Variants in ATG16L1 observed in about 807,000 individuals in gnomAD.
The protein encoded by ATG16L1 is autophagy-related protein 16-1.
In ATG16L1, 37 loss-of-function variants were observed where a neutral mutation model predicts 88.5. That is an observed-to-expected ratio of 0.42 (90% CI 0.32 to 0.55). ATG16L1 has a LOEUF of 0.55. ATG16L1 is among the 20% of genes least tolerant of loss of function. The pLI is 0.13. For missense variants in ATG16L1, 554 were observed against 752.8 expected (o/e 0.74, Z 3.09); for synonymous variants, 301 against 281.0 (o/e 1.07, Z -0.71).
intron 2 of ATG16L1, among the ~76,000 whole-genome samples, chr2:233,259,607 C>T (rs774361763): frequency 7.9e-5 from 12 of 152,142 alleles, no homozygotes; most frequent in Non-Finnish European, 1.5e-4. Flanking sequence ...GCAGGTTGAA[C>T]GGTGGGCTTC....
chr2:233,261,145 C>G (rs1038955576), intron 2 of ATG16L1, among the ~76,000 whole-genome samples: 1 of 152,034 alleles, frequency 6.6e-6, no homozygotes, highest in Non-Finnish European at 1.5e-5. Flanking sequence ...TTAGTAGAGA[C>G]GGGATTTCAC....
chr2:233,289,971 G>A lies in ATG16L1; in HGVS notation c.1321G>A (p.Val441Ile). 1.9e-6 allele frequency: 3 copies of A among 1,613,724 alleles called. No homozygotes were observed. The highest frequency in any genetic ancestry group is 2.5e-6 in the Non-Finnish European group (3 of 1,179,600). The stretch of plus-strand genomic sequence containing the variant: ...CAAACTCTGGGATCTACGCAGCAAA[G>A]TCTGTGAGGAAATTCAGTCTCTCTG... ...TLKLWDLRSKVCIKTVFAGSS... is the reference protein window; with the variant it reads ...TLKLWDLRSKICIKTVFAGSS... The change falls in exon 13 of 18, where the codon GTC becomes ATC. Residue 441 changes from valine to isoleucine, a missense_variant. Around this residue, in one of 5 missense-constraint regions of ATG16L1, gnomAD observed 370 missense variants for 509.7 expected, o/e 0.73. Coordinates refer to ENST00000392017, the MANE Select transcript of ATG16L1 (RefSeq NM_030803.7).
In ATG16L1 at chr2:233,272,800, G is replaced by T. The variant is rs563180085; in HGVS notation, c.708-166G>T. Among the ~76,000 whole-genome samples the T allele has an allele frequency of 7.9e-5, 12 of 152,318 alleles. No homozygotes were observed. The East Asian group carries it at 1.2e-3, about 15-fold the overall frequency. ...CAGGTTAAATGTTTATTGTAGTGTT[G>T]TTCAGAACATGGCAGCTCTTCCTTT... On this transcript the variant is annotated intron_variant, in intron 6 of 17. Coordinates refer to ENST00000392017, the MANE Select transcript of ATG16L1 (RefSeq NM_030803.7).
intron 1 of ATG16L1, 68 bp downstream of exon 1, chr2:233,252,010 G>A: frequency 7.4e-7 from 1 of 1,358,412 alleles, no homozygotes; most frequent in Non-Finnish European, 9.7e-7. Context: ...GGGCGTCAGC[G>A]GGAACCTGAG....
In ATG16L1 at chr2:233,277,719, C is replaced by T. The variant is rs369043257; in HGVS notation, c.1060+46C>T. On this transcript the variant is annotated intron_variant, in intron 10 of 17. Coordinates refer to ENST00000392017, the MANE Select transcript of ATG16L1 (RefSeq NM_030803.7). ...CTCAGACTGAAAACTTGAGATGATG[C>T]ACCCTTGCACTGCAGAAAGAAGCTG... is the stretch of plus-strand genomic sequence containing the variant. 40 of 1,516,108 alleles carry T rather than the reference C, an allele frequency of 2.6e-5. No homozygotes were observed. The African/African-American group carries it at 4.9e-4, about 19-fold the overall frequency. The allele number at this position is 1,516,108 out of a possible 1,614,324, so 93.9% of individuals were successfully genotyped here. A position where few individuals can be genotyped will look rare whatever the true frequency, so the allele number is the denominator to read the frequency against.
intron 9 of ATG16L1, among the ~76,000 whole-genome samples, 191 bp downstream of exon 9, chr2:233,274,969 C>T (rs1698248131): frequency 6.6e-6 from 1 of 152,170 alleles, no homozygotes; most frequent in South Asian, 2.1e-4. Flanking sequence ...AAATTTGTTA[C>T]AACCATCCTC....
In ATG16L1 at chr2:233,275,536, G is replaced by GT. The variant is rs879229546; in HGVS notation, c.954+759dup. 48 of 354,288 alleles carry GT rather than the reference G, an allele frequency of 1.4e-4. 1 individual carries two copies. Among genetic ancestry groups the GT allele is most frequent in the South Asian group, 1.0e-3 (48 of 47,234 alleles). 21.9% of individuals were successfully genotyped at this position (354,288 alleles called of 1,614,324 possible). A position where few individuals can be genotyped will look rare whatever the true frequency, so the allele number is the denominator to read the frequency against. ...GTAAAAATGGGATGGAATTTATATG[G>GT]TGGGAGCTTTGGGTTCCAGGTATAA... On this transcript the variant is annotated intron_variant, in intron 9 of 17. Transcript: ENST00000392017.
chr2:233,257,989 G>A (rs961492268), intron 2 of ATG16L1, among the ~76,000 whole-genome samples: 6 of 142,216 alleles, frequency 4.2e-5, no homozygotes, highest in African/African-American at 1.1e-4. Flanking sequence ...GTGACAGAGC[G>A]AGACTCCGTC....
chr2:233,277,376 C>A (rs896869996), intron 9 of ATG16L1, 192 bp from the exon 10 acceptor site: 2 of 524,426 alleles, frequency 3.8e-6, no homozygotes, highest in African/African-American at 3.8e-5. Flanking sequence ...TCTAATGCAA[C>A]TGTAACTAGA....
chr2:233,273,692 G>A, intron 7 of ATG16L1, 29 bp from the exon 8 acceptor site: 2 of 1,611,210 alleles, frequency 1.2e-6, no homozygotes, highest in Non-Finnish European at 1.7e-6. Flanking sequence ...TGTTTCTAAG[G>A]TTTAAACCTA....
intron 2 of ATG16L1, among the ~76,000 whole-genome samples, chr2:233,262,479 T>TC (rs1417546265): frequency 6.6e-6 from 1 of 152,272 alleles, no homozygotes; most frequent in Non-Finnish European, 1.5e-5. Flanking sequence ...TGACCGCACC[T>TC]CCTCTGTCCC....
In ATG16L1 at chr2:233,273,146, C is replaced by T; in HGVS notation, c.794+94C>T. ...TGACAAAGAATGCAGTCAGATGCACCCAACCCCTTACCCCTTTTCTGGGAC... is the reference window on the plus strand; with the variant it reads ...TGACAAAGAATGCAGTCAGATGCACTCAACCCCTTACCCCTTTTCTGGGAC... On this transcript the variant is annotated intron_variant, in intron 7 of 17. Coordinates refer to ENST00000392017, the MANE Select transcript of ATG16L1 (RefSeq NM_030803.7). 6 of 1,021,904 alleles carry T rather than the reference C, an allele frequency of 5.9e-6. No homozygotes were observed. The South Asian group carries it at 6.6e-5, about 11-fold the overall frequency. The allele number at this position is 1,021,904 out of a possible 1,614,324, so 63.3% of individuals were successfully genotyped here.
At chr2:233,280,446 C>T (rs1190922955) in intron 10 of ATG16L1, among the ~76,000 whole-genome samples, 1 of 152,122 alleles carries the variant, frequency 6.6e-6, no homozygotes, top group East Asian at 1.9e-4. Flanking sequence ...TGGACAGTGG[C>T]TCTGTTGGTG....
chr2:233,289,539 C>T (rs183617024), intron 12 of ATG16L1, among the ~76,000 whole-genome samples: 12 of 152,196 alleles, frequency 7.9e-5, no homozygotes, highest in Admixed American at 7.9e-4. Context: ...GCGCATGCCA[C>T]CACTCCCTGC....
chr2:233,267,120 A>G (rs1219173287), intron 5 of ATG16L1, among the ~76,000 whole-genome samples: 3 of 152,202 alleles, frequency 2.0e-5, no homozygotes, highest in South Asian at 2.1e-4. Context: ...AGGCCAAGGA[A>G]GGTGAATCAC....
chr2:233,287,460 C>T (rs1415145098), intron 12 of ATG16L1, among the ~76,000 whole-genome samples: 1 of 152,196 alleles, frequency 6.6e-6, no homozygotes, highest in East Asian at 1.9e-4. Context: ...TGCCATATCC[C>T]ACTTATGAAC....
intron 12 of ATG16L1, 38 bp from the exon 13 acceptor site, chr2:233,289,816 C>A (rs374043156): frequency 3.9e-5 from 62 of 1,602,870 alleles, no homozygotes; most frequent in Non-Finnish European, 5.2e-5. Context: ...CAGGGCCTGG[C>A]GCCCTGAGGC....
At chr2:233,281,350 A>G (rs1698707800) in intron 11 of ATG16L1, among the ~76,000 whole-genome samples, 175 bp downstream of exon 11, 1 of 152,228 alleles carries the variant, frequency 6.6e-6, no homozygotes, top group Non-Finnish European at 1.5e-5. Context: ...ATCAACTCTG[A>G]TAAACCCTTG....
At chr2:233,262,966 A>G (rs1697322148) in intron 2 of ATG16L1, among the ~76,000 whole-genome samples, 164 bp from the exon 3 acceptor site, 1 of 151,984 alleles carries the variant, frequency 6.6e-6, no homozygotes, top group Non-Finnish European at 1.5e-5. Context: ...TTCCACTCAT[A>G]GTGCCTGTAA....
Sources: gnomAD v4.1 joint callset for allele counts (sites outside exome capture counted in the v4.1 genomes callset) on GRCh38, gnomAD v4.1.1 for gene constraint, gnomAD v4.1.1 regional missense constraint, MANE v1.5 for transcripts, NCBI Gene and HGNC (gene_info 2026-07-23, HGNC 2026-07-21) for gene names.